USP13: variants seen among roughly 807,000 people sequenced by gnomAD.
USP13 encodes ubiquitin specific peptidase 13.
USP13 carries 68 observed loss-of-function variants against 107.8 expected under a neutral mutation model. The ratio of observed to expected loss-of-function variants is 0.63; its 90% confidence interval spans 0.52 to 0.77. The LOEUF is 0.77. Among genes scored for constraint, USP13 ranks in the 30% least tolerant of loss-of-function variants. The pLI is 0.00. For synonymous variants in USP13, 377 were observed against 389.5 expected (o/e 0.97, Z 0.38); for missense variants, 945 against 1,093.3 (o/e 0.86, Z 1.91).
chr3:179,664,290 C>T (rs1257672921), intron 1 of USP13, among the ~76,000 whole-genome samples: 7 of 152,014 alleles, frequency 4.6e-5, no homozygotes, highest in African/African-American at 1.7e-4. Context: ...GATGGGGTTT[C>T]ACCATGTTGG....
chr3:179,704,979 G>T (rs1202978033), intron 4 of USP13, among the ~76,000 whole-genome samples: 1 of 152,158 alleles, frequency 6.6e-6, no homozygotes, highest in Non-Finnish European at 1.5e-5. Context: ...TGGCTGCTAT[G>T]CAGAGAAGAG....
chr3:179,683,357 T>C (rs73885903), intron 2 of USP13, among the ~76,000 whole-genome samples: 9,103 of 152,252 alleles, frequency 0.06, 298 homozygotes, highest in South Asian at 0.076. Context: ...GTCTAAGAAA[T>C]TGTTTCCTAC....
chr3:179,690,650 A>T (rs994743843), intron 3 of USP13, among the ~76,000 whole-genome samples: 8 of 152,152 alleles, frequency 5.3e-5, no homozygotes, highest in African/African-American at 1.7e-4. Flanking sequence ...TTGGCTCACT[A>T]CAACCTGCGC....
At chr3:179,747,343 T>C (rs1322197476) in intron 13 of USP13, among the ~76,000 whole-genome samples, 4 of 152,218 alleles carry the variant, frequency 2.6e-5, no homozygotes, top group African/African-American at 9.6e-5. Context: ...TTTATCCTTT[T>C]CTCTTTGTGC....
intron 17 of USP13, among the ~76,000 whole-genome samples, chr3:179,762,166 A>G (rs1005098081): frequency 6.6e-6 from 1 of 152,250 alleles, no homozygotes; most frequent in African/African-American, 2.4e-5. Context: ...GACATTTCAT[A>G]TAAATGGAGT....
chr3:179,768,137 C>CT (rs1715235278), intron 19 of USP13, among the ~76,000 whole-genome samples: 1 of 152,186 alleles, frequency 6.6e-6, no homozygotes, highest in Non-Finnish European at 1.5e-5. Flanking sequence ...CAGTTCACTG[C>CT]TTCATTGATT....
Position 179,739,067 on chromosome 3 carries a change from C to T in USP13, c.1255-1180C>T, listed in dbSNP as rs192717145. Among the ~76,000 whole-genome samples, 27 of 152,278 alleles carry T rather than the reference C, an allele frequency of 1.8e-4. No homozygotes were observed. In the East Asian group the frequency reaches 4.1e-3, roughly 23 times the overall value. On this transcript the variant is annotated intron_variant, in intron 10 of 20. Transcript: ENST00000263966. ...TGGTGGTTCTTTAGAGCTGCCTCCC[C>T]GCAACTGTTATACCACCCTCAGGGA... is the stretch of plus-strand genomic sequence containing the variant.
Position 179,781,768 on chromosome 3 carries a change from A to G in USP13, c.2443A>G (p.Met815Val). The G allele has an allele frequency of 1.2e-6, 2 of 1,614,070 alleles. No individual in the cohort carries two copies. The highest frequency in any genetic ancestry group is 8.5e-7 in the Non-Finnish European group (1 of 1,179,990). The change falls in exon 20 of 21, where the codon ATG becomes GTG. Residue 815 changes from methionine (M) to valine (V), a missense_variant. Transcript: ENST00000263966. ...TGAGCTATTTGCATTCATCAGTCAC[A>G]TGGGAACATCCACAATGAGTGGTCA... ...TYELFAFISH[M>V]GTSTMSGHYI...
chr3:179,718,235 G>T (rs1713174904), intron 6 of USP13, among the ~76,000 whole-genome samples: 1 of 151,296 alleles, frequency 6.6e-6, no homozygotes, highest in Non-Finnish European at 1.5e-5. Flanking sequence ...AAGTCTGTTG[G>T]TATCCTGTTC....
chr3:179,754,634 T>C, intron 14 of USP13, 98 bp from the exon 15 acceptor site: 1 of 1,382,846 alleles, frequency 7.2e-7, no homozygotes, highest in South Asian at 1.8e-5. Flanking sequence ...AAACATCCCT[T>C]AGCTCTGTCT....
chr3:179,670,099 C>A (rs1576912850), intron 1 of USP13, among the ~76,000 whole-genome samples: 1 of 152,148 alleles, frequency 6.6e-6, no homozygotes, highest in African/African-American at 2.4e-5. Context: ...GGAGTGGGGA[C>A]CTTTGCACAT....
At chr3:179,670,021 C>G (rs1268142392) in intron 1 of USP13, among the ~76,000 whole-genome samples, 1 of 152,236 alleles carries the variant, frequency 6.6e-6, no homozygotes, top group East Asian at 1.9e-4. Flanking sequence ...ACTGTCGCCA[C>G]CTTTTTCTCA....
chr3:179,766,301 T>A (rs1032849202), intron 19 of USP13, among the ~76,000 whole-genome samples: 1 of 152,138 alleles, frequency 6.6e-6, no homozygotes, highest in East Asian at 1.9e-4. Flanking sequence ...TTAGAAATGG[T>A]GCAGTTTGCC....
intron 19 of USP13, among the ~76,000 whole-genome samples, chr3:179,775,396 T>C (rs1330544217): frequency 1.3e-5 from 2 of 152,268 alleles, no homozygotes; most frequent in African/African-American, 2.4e-5. Context: ...TATACAATCC[T>C]CTGGCTAGAC....
At chr3:179,756,313 C>G (rs149265245) in intron 15 of USP13, among the ~76,000 whole-genome samples, 72 of 152,258 alleles carry the variant, frequency 4.7e-4, no homozygotes, top group African/African-American at 1.7e-3. Context: ...ATCCCAGCTA[C>G]TCAGGAGGCT....
chr3:179,760,383 A>T (rs986273304), intron 16 of USP13, among the ~76,000 whole-genome samples: 1 of 146,506 alleles, frequency 6.8e-6, no homozygotes, highest in Non-Finnish European at 1.5e-5. Context: ...TCCTGAGTTC[A>T]TGCCATTCTC....
At chr3:179,659,215 G>A (rs1720383635) in intron 1 of USP13, among the ~76,000 whole-genome samples, 1 of 152,184 alleles carries the variant, frequency 6.6e-6, no homozygotes, top group African/African-American at 2.4e-5. Flanking sequence ...CACCAGGAAA[G>A]ACTTTGAGAT....
intron 1 of USP13, among the ~76,000 whole-genome samples, chr3:179,672,978 G>A (rs1016910263): frequency 2.0e-5 from 3 of 152,132 alleles, no homozygotes; most frequent in South Asian, 2.1e-4. Flanking sequence ...AAGGTGGGAC[G>A]GTGGTGCAGA....
chr3:179,742,423 T>C lies in USP13; in HGVS notation c.1534+73T>C. 6.3e-7 allele frequency: 1 copy of C among 1,581,600 alleles called. No individual in the cohort carries two copies. ...AAAACCCTCAAATCAGAGAGAATGG[T>C]TTAGTCACTGAAGTGTGTCAGGAGT... is the stretch of plus-strand genomic sequence containing the variant. On this transcript the variant is annotated intron_variant, in intron 12 of 20. Transcript: ENST00000263966. This position sits in a 1 kb window ranked among gnomAD's most constrained non-coding sequence, Gnocchi z 5.0.
Sources: allele counts gnomAD v4.1 joint callset (sites outside exome capture counted in the v4.1 genomes callset), GRCh38; gene constraint gnomAD v4.1.1; non-coding constraint Gnocchi (gnomAD v3.1); transcripts MANE v1.5; gene names NCBI Gene and HGNC (gene_info 2026-07-23, HGNC 2026-07-21).